NEIL1: variants seen among roughly 807,000 people sequenced by gnomAD.
NEIL1 encodes endonuclease 8-like 1.
In NEIL1, 31 loss-of-function variants were observed where a neutral mutation model predicts 44.2. The ratio of observed to expected loss-of-function variants is 0.70; its 90% CI spans 0.53 to 0.95. The LOEUF (loss-of-function observed/expected upper bound fraction) is 0.95. Ranked by LOEUF, NEIL1 falls within the 40% of genes least tolerant of loss-of-function variation. NEIL1 has a pLI of 0.00. For missense variants in NEIL1, 549 were observed against 515.5 expected (o/e 1.07, Z -0.63); for synonymous variants, 254 against 209.7 (o/e 1.21, Z -1.83).
Position 75,354,123 on chromosome 15 carries a change from TC to T in NEIL1, c.847-125del, listed in dbSNP as rs1490991204. The T allele has an allele frequency of 6.8e-6, 8 of 1,167,942 alleles. No homozygotes were observed. In the East Asian group the frequency reaches 1.6e-4, roughly 24 times the overall value. 72.3% of individuals were successfully genotyped at this position (1,167,942 alleles called of 1,614,324 possible). ...GATGTGGACTCTAACATGGGGGATG[TC>T]CTAGAGGCTTCCTAAGGGAGAAGCT... On this transcript the variant is annotated intron_variant, in intron 6 of 9. Coordinates refer to ENST00000355059, the MANE Select transcript of NEIL1 (RefSeq NM_024608.4).
Position 75,356,529 on chromosome 15 carries a change from TTGCTGGGG to T in NEIL1, c.*1497_*1504del. On this transcript the variant is annotated 3_prime_UTR_variant, in exon 10 of 10. Transcript: ENST00000355059. This position sits in a 1 kb window ranked among gnomAD's most constrained non-coding sequence, Gnocchi z 5.8. ...TCCCTAGAAGGGGCAGGAAGCCAGG[TTGCTGGGG>T]TTTGGGCTCAGGGAAGGGCAGAGAG... 1 of 1,551,278 alleles carries T rather than the reference TTGCTGGGG, an allele frequency of 6.4e-7. No individual in the cohort carries two copies. Among genetic ancestry groups the T allele is most frequent in the Non-Finnish European group, 8.7e-7 (1 of 1,146,154 alleles).
In NEIL1 at chr15:75,356,150, A is replaced by G. The variant is rs768176221; in HGVS notation, c.*1116A>G. 6 of 1,613,718 alleles carry G rather than the reference A, an allele frequency of 3.7e-6. No individual in the cohort carries two copies. In the South Asian group the frequency reaches 5.5e-5, roughly 15 times the overall value. ...ACCGGCAGCGACAAGTGCAGCCAGC[A>G]GTCCACGTGGCTGCCGTGGGCCTCA... is the stretch of plus-strand genomic sequence containing the variant. On this transcript the variant is annotated 3_prime_UTR_variant, in exon 10 of 10. Transcript: ENST00000355059. This position sits in a 1 kb window ranked among gnomAD's most constrained non-coding sequence, Gnocchi z 5.8.
Position 75,356,492 on chromosome 15 carries a change from T to A in NEIL1, c.*1458T>A. ...AACAATGCTGGTGGAGAATGGGGGC[T>A]ACCCTCCCCTGTCCCTAGAAGGGGC... On this transcript the variant is annotated 3_prime_UTR_variant, in exon 10 of 10. Coordinates refer to ENST00000355059, the MANE Select transcript of NEIL1 (RefSeq NM_024608.4). This position sits in a 1 kb window ranked among gnomAD's most constrained non-coding sequence, Gnocchi z 5.8. 2 of 1,569,414 alleles carry A rather than the reference T, an allele frequency of 1.3e-6. No homozygotes were observed. Among genetic ancestry groups the A allele is most frequent in the Middle Eastern group, 4.3e-4 (2 of 4,616 alleles).
intron 2 of NEIL1, 31 bp downstream of exon 2, chr15:75,349,370 G>A (rs1298285762): frequency 3.2e-6 from 5 of 1,562,754 alleles, no homozygotes; most frequent in Admixed American, 1.8e-5. Context: ...GATGAACATA[G>A]TCGCGGGCTC....
Position 75,352,649 on chromosome 15 carries a change from T to A in NEIL1, c.666T>A (p.Asn222Lys). Reference sequence around the variant, plus strand: ...AGAAGATAAGGACCAAGCTGCAGAATCCAGACCTGCTGGAGCTATGTCACT... The same window carrying A: ...AGAAGATAAGGACCAAGCTGCAGAAACCAGACCTGCTGGAGCTATGTCACT... ...LSQKIRTKLQNPDLLELCHSV... is the reference protein window; with the variant it reads ...LSQKIRTKLQKPDLLELCHSV... Residue 222 changes from asparagine (N) to lysine (K), a missense_variant, in exon 5 of 10, where the codon AAT (asparagine) becomes AAA (lysine). Physicochemically the swap from Asn to Lys is moderately conservative, Grantham distance 94. Coordinates refer to ENST00000355059, the MANE Select transcript of NEIL1 (RefSeq NM_024608.4). The A allele has an allele frequency of 6.2e-7, 1 of 1,613,502 alleles. No homozygotes were observed. The highest frequency in any genetic ancestry group is 1.1e-5 in the South Asian group (1 of 90,894).
chr15:75,355,696 C>G lies in NEIL1; in HGVS notation c.*662C>G. ...ACGCACAGGTACCTTAGGATCTTGC[C>G]CCTACCCACCAAATACCTGGGAAGC... is the stretch of plus-strand genomic sequence containing the variant. On this transcript the variant is annotated 3_prime_UTR_variant, in exon 10 of 10. Transcript: ENST00000355059. The G allele has an allele frequency of 1.7e-6, 1 of 585,584 alleles. No individual in the cohort carries two copies. The highest frequency in any genetic ancestry group is 4.7e-4 in the Middle Eastern group (1 of 2,116). The allele number at this position is 585,584 out of a possible 1,614,324, so 36.3% of individuals were successfully genotyped here.
At chr15:75,350,597 C>T (rs2071813789) in intron 2 of NEIL1, among the ~76,000 whole-genome samples, 1 of 152,136 alleles carries the variant, frequency 6.6e-6, no homozygotes, top group Admixed American at 6.5e-5. Context: ...CCTTAGGAGA[C>T]TTGGATACCT....
intron 5 of NEIL1, 108 bp from the exon 6 acceptor site, chr15:75,353,631 C>T (rs776277627): frequency 1.4e-5 from 17 of 1,185,376 alleles, no homozygotes; most frequent in East Asian, 1.4e-4. Flanking sequence ...GCCCCTGACT[C>T]AGTCCATCAG....
chr15:75,356,150 A>C lies in NEIL1; in HGVS notation c.*1116A>C. On this transcript the variant is annotated 3_prime_UTR_variant, in exon 10 of 10. Transcript: ENST00000355059. This position sits in a 1 kb window ranked among gnomAD's most constrained non-coding sequence, Gnocchi z 5.8. The stretch of plus-strand genomic sequence containing the variant: ...ACCGGCAGCGACAAGTGCAGCCAGC[A>C]GTCCACGTGGCTGCCGTGGGCCTCA... 6.2e-7 allele frequency: 1 copy of C among 1,613,718 alleles called. No individual in the cohort carries two copies. Among genetic ancestry groups the C allele is most frequent in the Non-Finnish European group, 8.5e-7 (1 of 1,179,990 alleles).
Position 75,356,427 on chromosome 15 carries a change from A to G in NEIL1, c.*1393A>G. 6.2e-7 allele frequency: 1 copy of G among 1,606,236 alleles called. No individual in the cohort carries two copies. The highest frequency in any genetic ancestry group is 8.5e-7 in the Non-Finnish European group (1 of 1,177,078). Reference sequence around the variant, plus strand: ...AGTTTAGGCTGTAGGCAGCTTGGATAACGCCAGCATCCTGGAAAGAGCCTG... The same window carrying G: ...AGTTTAGGCTGTAGGCAGCTTGGATGACGCCAGCATCCTGGAAAGAGCCTG... On this transcript the variant is annotated 3_prime_UTR_variant, in exon 10 of 10. Coordinates refer to ENST00000355059, the MANE Select transcript of NEIL1 (RefSeq NM_024608.4). The surrounding 1 kb of genome is among the most constrained non-coding windows in gnomAD (Gnocchi z 5.8).
chr15:75,352,894 C>G (rs1338558103), intron 5 of NEIL1, 193 bp downstream of exon 5: 2 of 554,076 alleles, frequency 3.6e-6, no homozygotes, highest in Non-Finnish European at 6.5e-6. Flanking sequence ...AATCCCAGCA[C>G]TTCGGGAGGC....
At chr15:75,351,832 G>T in intron 2 of NEIL1, 1 of 363,260 alleles carries the variant, frequency 2.8e-6, no homozygotes, top group South Asian at 2.3e-5. Context: ...ATGTTGGCCA[G>T]GCTGGTCTCG....
At position 75,352,217 on chromosome 15, in the gene NEIL1, G is replaced by C; in HGVS notation, c.541G>C (p.Glu181Gln). ...TGGCATTGGCAACTATCTGCGGGCA[G>C]AGATCCTGTACCGGTCAGCAAGCAG... is the stretch of plus-strand genomic sequence containing the variant. ...FNGIGNYLRA[E>Q]ILYRLKIPPF... The change falls in exon 3 of 10, where the codon GAG becomes CAG. Residue 181 changes from glutamate to glutamine, a missense_variant. Physicochemically the swap from Glu to Gln is conservative, Grantham distance 29. Transcript: ENST00000355059. The C allele has an allele frequency of 6.2e-7, 1 of 1,614,276 alleles. No individual in the cohort carries two copies. The highest frequency in any genetic ancestry group is 1.1e-5 in the South Asian group (1 of 91,090).
Position 75,352,121 on chromosome 15 carries a change from C to T in NEIL1, c.445C>T (p.Leu149=), listed in dbSNP as rs1398984357. The T allele has an allele frequency of 3.7e-6, 6 of 1,614,090 alleles. No homozygotes were observed. The highest frequency in any genetic ancestry group is 5.1e-6 in the Non-Finnish European group (6 of 1,180,030). Residue 149 remains leucine, a synonymous_variant, in exon 3 of 10, where the codon CTA becomes TTA. Coordinates refer to ENST00000355059, the MANE Select transcript of NEIL1 (RefSeq NM_024608.4). ...ACCGTGTTCCTCCAGGGAGAATGTG[C>T]TACGAAACCTAGCGGATAAGGCCTT... The part of the protein sequence containing the change: ...QEYQQFRENV[L]RNLADKAFDR...
chr15:75,355,893 C>G lies in NEIL1; in HGVS notation c.*859C>G. On this transcript the variant is annotated 3_prime_UTR_variant, in exon 10 of 10. Transcript: ENST00000355059. ...CCAGAGCCTTCTACAAACAAAACCC[C>G]AGCCCCAGGGACTCAGTGTGGCGGA... The G allele has an allele frequency of 1.2e-6, 2 of 1,614,084 alleles. No individual in the cohort carries two copies. Among genetic ancestry groups the G allele is most frequent in the Non-Finnish European group, 1.7e-6 (2 of 1,180,006 alleles).
At chr15:75,353,037 AG>A (rs2072046677) in intron 5 of NEIL1, 1 of 238,258 alleles carries the variant, frequency 4.2e-6, no homozygotes, top group South Asian at 5.0e-5. Context: ...GCTACTCGGG[AG>A]GATGAGGCAG....
rs1428879515 is a variant in NEIL1, at chr15:75,349,248, G to A, written c.343G>A (p.Val115Met). ...TGGCCCCCGGCTCGCCCTATGTTTC[G>A]TGGACATCCGCCGGTTCGGCCGCTG... ...PPGPRLALCF[V>M]DIRRFGRWDL... The change falls in exon 2 of 10, where the codon GTG (valine) becomes ATG (methionine). Residue 115 changes from valine to methionine, a missense_variant. Coordinates refer to ENST00000355059, the MANE Select transcript of NEIL1 (RefSeq NM_024608.4). 3.7e-6 allele frequency: 6 copies of A among 1,611,162 alleles called. No individual in the cohort carries two copies. Among genetic ancestry groups the A allele is most frequent in the Non-Finnish European group, 5.1e-6 (6 of 1,179,870 alleles).
At position 75,352,784 on chromosome 15, in the gene NEIL1, C is replaced by G; in HGVS notation, c.718+83C>G. 4 of 1,136,786 alleles carry G rather than the reference C, an allele frequency of 3.5e-6. No homozygotes were observed. In the South Asian group the frequency reaches 5.4e-5, roughly 15 times the overall value. The allele number at this position is 1,136,786 out of a possible 1,614,324, so 70.4% of individuals were successfully genotyped here. A position where few individuals can be genotyped will look rare whatever the true frequency, so the allele number is the denominator to read the frequency against. ...CACTTGTCCCTCTCTGGACCTGATT[C>G]ACCGATTTGGAAGTTTGTAGCCCTA... On this transcript the variant is annotated intron_variant, in intron 5 of 9. Transcript: ENST00000355059.
In NEIL1 at chr15:75,355,022, C is replaced by G. The variant is rs1341525028; in HGVS notation, c.1161C>G (p.Thr387=). 6.2e-7 allele frequency: 1 copy of G among 1,613,906 alleles called. No homozygotes were observed. Among genetic ancestry groups the G allele is most frequent in the Non-Finnish European group, 8.5e-7 (1 of 1,179,890 alleles). ...TCCCATCCTTGGAACCAGAGGGGAC[C>G]TCAGCCTCTTAGCAGGAGGCTCTCC... ...ADIPSLEPEG[T]SAS is the part of the protein sequence containing the mutation. The change falls in exon 10 of 10, where the codon ACC becomes ACG. Residue 387 remains threonine, a synonymous_variant. Transcript: ENST00000355059.
Sources: gnomAD v4.1 joint callset for allele counts (sites outside exome capture counted in the v4.1 genomes callset) on GRCh38, gnomAD v4.1.1 for gene constraint, Gnocchi (gnomAD v3.1) non-coding constraint, MANE v1.5 for transcripts, NCBI Gene and HGNC (gene_info 2026-07-23, HGNC 2026-07-21) for gene names.